PLA2G5: variants seen among roughly 807,000 people sequenced by gnomAD.
The protein encoded by PLA2G5 is phospholipase A2 group V.
A neutral mutation model predicts 15.9 loss-of-function variants in PLA2G5; 12 were observed. The ratio of observed to expected loss-of-function variants is 0.76; its 90% confidence interval spans 0.48 to 1.23. The LOEUF (loss-of-function observed/expected upper bound fraction) is 1.23, where lower values mean the gene tolerates loss of function less well. Among genes scored for constraint, PLA2G5 ranks in the 50% most tolerant of loss-of-function variants. The pLI is 0.00. For synonymous variants in PLA2G5, 71 were observed against 71.4 expected, an observed-to-expected ratio of 0.99 and a Z score of 0.03; for missense variants, 169 against 177.1, an observed-to-expected ratio of 0.95 and a Z score of 0.26.
chr1:20,090,552 T>C lies in PLA2G5; in HGVS notation c.293-16T>C. The C allele has an allele frequency of 6.2e-7, 1 of 1,614,084 alleles. No homozygotes were observed. Among genetic ancestry groups the C allele is most frequent in the Non-Finnish European group, 8.5e-7 (1 of 1,179,938 alleles). ...GCTCTTCCCACCCTCATTCTGCTCTTGGTGTCCTTTTGCAGAGCCCGGGCC... is the reference window on the plus strand; with the variant it reads ...GCTCTTCCCACCCTCATTCTGCTCTCGGTGTCCTTTTGCAGAGCCCGGGCC... On this transcript the variant is annotated splice_polypyrimidine_tract_variant and intron_variant, in intron 4 of 4. Coordinates refer to ENST00000375108, the MANE Select transcript of PLA2G5 (RefSeq NM_000929.3).
chr1:20,067,454 G>A (rs1027337098), upstream of PLA2G5, among the ~76,000 whole-genome samples: 1 of 152,166 alleles, frequency 6.6e-6, no homozygotes, highest in Non-Finnish European at 1.5e-5. Context: ...TTGGGAGGCC[G>A]AGGCGGGCAG....
intron 1 of PLA2G5, among the ~76,000 whole-genome samples, chr1:20,081,338 A>T (rs548092360): frequency 6.6e-6 from 1 of 151,030 alleles, no homozygotes; most frequent in Admixed American, 6.6e-5. Context: ...CTGCTTTTTT[A>T]CTCTTTCCAG....
chr1:20,053,886 G>C (rs616103), intron 1 of PLA2G5, among the ~76,000 whole-genome samples: 75,233 of 152,084 alleles, frequency 0.49, 19,812 homozygotes, highest in African/African-American at 0.67. Context: ...TGTGTTTCCA[G>C]TTTTATAGTA....
Position 20,086,237 on chromosome 1 carries a change from T to C in PLA2G5, c.185+10T>C, listed in dbSNP as rs1202136561. 6.2e-7 allele frequency: 1 copy of C among 1,613,966 alleles called. No individual in the cohort carries two copies. The highest frequency in any genetic ancestry group is 8.5e-7 in the Non-Finnish European group (1 of 1,179,834). ...AGGATGGCACCGATTGGTGAGCTGA[T>C]CGCTATAACTGCCCTTTAGGCTCCA... On this transcript the variant is annotated intron_variant, in intron 3 of 4. Transcript: ENST00000375108.
intron 1 of PLA2G5, among the ~76,000 whole-genome samples, chr1:20,070,687 C>T (rs1037464567): frequency 6.6e-6 from 1 of 152,188 alleles, no homozygotes; most frequent in Admixed American, 6.5e-5. Context: ...GGCCACACCT[C>T]AAGGGAAGAT....
In PLA2G5 at chr1:20,072,674, G is replaced by A. The variant is rs184614532; in HGVS notation, c.-11+2209G>A. ...GGAGACAGGTGCCTCTGACTTGGGC[G>A]GATGTGCTATGTGCTGTTACAGAGG... On this transcript the variant is annotated intron_variant, in intron 1 of 4. Transcript: ENST00000375108. Among the ~76,000 whole-genome samples the A allele has an allele frequency of 2.4e-3, 373 of 152,308 alleles. 1 individual carries two copies. The highest frequency in any genetic ancestry group is 4.2e-3 in the Non-Finnish European group (283 of 68,020).
At chr1:20,084,131 T>TTGGGGCCCATAAGAGCCATAA (rs2016169304) in intron 1 of PLA2G5, among the ~76,000 whole-genome samples, 2 of 149,576 alleles carry the variant, frequency 1.3e-5, no homozygotes, top group Admixed American at 1.3e-4. Flanking sequence ...GCAAAAGCGC[T>TTGGGGCCCATAAGAGCCATAA]TGGGGCCCAT....
At chr1:20,055,815 T>C (rs1420641581) in intron 1 of PLA2G5, among the ~76,000 whole-genome samples, 1 of 152,136 alleles carries the variant, frequency 6.6e-6, no homozygotes, top group Non-Finnish European at 1.5e-5. Context: ...TGTTTCTGCT[T>C]CCCTGACTGA....
At chr1:20,090,021 G>A in intron 4 of PLA2G5, 126 bp downstream of exon 4, 2 of 669,330 alleles carry the variant, frequency 3.0e-6, no homozygotes, top group Non-Finnish European at 5.2e-6. Flanking sequence ...TGGGACGAGA[G>A]GAGCAGGATT....
intron 1 of PLA2G5, among the ~76,000 whole-genome samples, chr1:20,053,373 C>A (rs2014270132): frequency 6.6e-6 from 1 of 152,144 alleles, no homozygotes; most frequent in South Asian, 2.1e-4. Context: ...GTGTACATTT[C>A]TTTTTATCTT....
At chr1:20,079,003 G>A (rs1015861079) in intron 1 of PLA2G5, among the ~76,000 whole-genome samples, 44 of 151,676 alleles carry the variant, frequency 2.9e-4, no homozygotes, top group African/African-American at 9.2e-4. Context: ...TCAGCTACTC[G>A]AGAGGCAGAG....
chr1:20,040,220 A>T (rs774178583), intron 1 of PLA2G5, among the ~76,000 whole-genome samples: 1 of 152,146 alleles, frequency 6.6e-6, no homozygotes, highest in Non-Finnish European at 1.5e-5. Context: ...TGCTATACCC[A>T]GGCACTGTAA....
rs772301991 is a variant in PLA2G5, at chr1:20,040,868, C to T, written n.276+12159C>T. ...TAATCAGAAACTCAAAGGAATACAA[C>T]GATTTGTCTCTTATCTACCTAAGAC... is the stretch of plus-strand genomic sequence containing the variant. On this transcript the variant is annotated intron_variant and non_coding_transcript_variant, in intron 1 of 6. Transcript: ENST00000460175. 5.9e-5 allele frequency among the ~76,000 whole-genome samples: 9 copies of T among 152,150 alleles called. No individual in the cohort carries two copies. In the East Asian group the frequency reaches 1.3e-3, roughly 23 times the overall value.
At chr1:20,084,340 A>G (rs976646719) in intron 1 of PLA2G5, among the ~76,000 whole-genome samples, 1 of 152,224 alleles carries the variant, frequency 6.6e-6, no homozygotes, top group Non-Finnish European at 1.5e-5. Flanking sequence ...TAAAAGGAGT[A>G]TGAGATGTAG....
At chr1:20,068,639 C>T (rs1247173592), upstream of PLA2G5, among the ~76,000 whole-genome samples, 3 of 151,878 alleles carry the variant, frequency 2.0e-5, no homozygotes, top group African/African-American at 7.2e-5. Context: ...TTAGTAGAGA[C>T]GGGGTTTCTC....
At chr1:20,087,823 A>G (rs1377933666) in intron 3 of PLA2G5, among the ~76,000 whole-genome samples, 1 of 152,198 alleles carries the variant, frequency 6.6e-6, no homozygotes, top group Non-Finnish European at 1.5e-5. Flanking sequence ...ACGGAAGCCC[A>G]CATTGATGGG....
chr1:20,047,736 G>A (rs2013983973), intron 1 of PLA2G5, among the ~76,000 whole-genome samples: 1 of 151,550 alleles, frequency 6.6e-6, no homozygotes, highest in African/African-American at 2.4e-5. Flanking sequence ...GTGTGTGTGT[G>A]TGTGTGTGTG....
At chr1:20,035,806 T>G (rs2013214074) in intron 1 of PLA2G5, among the ~76,000 whole-genome samples, 1 of 152,180 alleles carries the variant, frequency 6.6e-6, no homozygotes, top group Admixed American at 6.5e-5. Context: ...GTTTTTTTAT[T>G]TCATTGTGTT....
At chr1:20,031,626 C>T (rs901243451) in intron 1 of PLA2G5, among the ~76,000 whole-genome samples, 122 of 141,296 alleles carry the variant, frequency 8.6e-4, no homozygotes, top group African/African-American at 3.0e-3. Flanking sequence ...TGTTAAGTGC[C>T]GCTAGGTTAG....
Sources: gnomAD v4.1 joint callset for allele counts (sites outside exome capture counted in the v4.1 genomes callset) on GRCh38, gnomAD v4.1.1 for gene constraint, MANE v1.5 for transcripts, NCBI Gene and HGNC (gene_info 2026-07-23, HGNC 2026-07-21) for gene names.